TENM1: variants seen among roughly 807,000 people sequenced by gnomAD.
TENM1 encodes the protein teneurin-1.
Under a neutral mutation model 174.8 loss-of-function variants are expected in TENM1, and 35 were observed. The ratio of observed to expected loss-of-function variants is 0.20; its 90% CI spans 0.15 to 0.27. TENM1 has a LOEUF of 0.27. Ranked by LOEUF, TENM1 falls within the 10% of genes least tolerant of loss-of-function variation. TENM1 has a pLI of 1.00. For missense variants in TENM1, 1,633 were observed against 2,130.1 expected, an observed-to-expected ratio of 0.77 and a Z score of 4.59; for synonymous variants, 781 against 798.7, an observed-to-expected ratio of 0.98 and a Z score of 0.37.
the TENM1 span, among the ~76,000 whole-genome samples, chrX:125,203,313 G>A: frequency 1.7e-4 from 19 of 112,707 alleles, no homozygotes; most frequent in Non-Finnish European, 3.6e-4. Context: ...AACGCTCCAG[G>A]GTGGGAGGGA....
At chrX:125,116,327 A>G in the TENM1 span, among the ~76,000 whole-genome samples, 29 of 112,129 alleles carry the variant, frequency 2.6e-4, no homozygotes, top group Non-Finnish European at 4.7e-4. Context: ...ATAGGCATGG[A>G]CAAAGACTTC....
the TENM1 span, among the ~76,000 whole-genome samples, chrX:125,019,471 A>G: frequency 9.0e-6 from 1 of 111,728 alleles, no homozygotes; most frequent in Non-Finnish European, 1.9e-5. Context: ...ATGAAAGTTG[A>G]GACTAAAAAT....
chrX:124,484,264 G>A (rs2046907175), intron 21 of TENM1, among the ~76,000 whole-genome samples: 1 of 111,605 alleles, frequency 9.0e-6, no homozygotes, highest in Admixed American at 9.5e-5. Context: ...CCAACATGAT[G>A]TACACTAATG....
intron 14 of TENM1, among the ~76,000 whole-genome samples, chrX:124,547,912 C>T (rs1204771717): frequency 8.9e-6 from 1 of 112,260 alleles, no homozygotes; most frequent in African/African-American, 3.2e-5. Context: ...TCTCGGCTCA[C>T]TGCAAGTTCT....
At chrX:125,169,491 AG>A in the TENM1 span, among the ~76,000 whole-genome samples, 12 of 111,906 alleles carry the variant, frequency 1.1e-4, no homozygotes, top group African/African-American at 3.9e-4. Context: ...CTGCACAGTC[AG>A]GCTTTGGCCT....
the TENM1 span, among the ~76,000 whole-genome samples, chrX:125,017,332 A>G: frequency 8.9e-6 from 1 of 112,222 alleles, no homozygotes; most frequent in Non-Finnish European, 1.9e-5. Context: ...AAGGGCTAAT[A>G]TGCAAAATCT....
the TENM1 span, among the ~76,000 whole-genome samples, chrX:125,199,420 A>G: frequency 8.9e-6 from 1 of 112,413 alleles, no homozygotes; most frequent in Admixed American, 9.4e-5. Context: ...GATTTTTAAC[A>G]TGTTTTTATG....
At chrX:125,028,909 T>G in the TENM1 span, among the ~76,000 whole-genome samples, 1 of 111,886 alleles carries the variant, frequency 8.9e-6, no homozygotes, top group East Asian at 2.8e-4. Context: ...AAAGGTAACA[T>G]GCTAGATTTG....
chrX:125,039,248 T>TCTAATGAA, the TENM1 span, among the ~76,000 whole-genome samples: 1 of 111,756 alleles, frequency 8.9e-6, no homozygotes, highest in Non-Finnish European at 1.9e-5. Flanking sequence ...CAGATAAGGT[T>TCTAATGAA]TTTGTCTTCC....
the TENM1 span, among the ~76,000 whole-genome samples, chrX:125,077,089 G>A: frequency 3.6e-5 from 4 of 110,638 alleles, no homozygotes; most frequent in South Asian, 1.1e-3. Flanking sequence ...TAATGAAGAC[G>A]TTTCTCATTA....
the TENM1 span, among the ~76,000 whole-genome samples, chrX:125,122,559 T>C: frequency 8.9e-6 from 1 of 112,166 alleles, no homozygotes; most frequent in Non-Finnish European, 1.9e-5. Flanking sequence ...TGCTTAATTA[T>C]ATGCACAACA....
chrX:124,717,984 C>T (rs755118606), intron 4 of TENM1, among the ~76,000 whole-genome samples: 1 of 112,438 alleles, frequency 8.9e-6, no homozygotes, highest in Non-Finnish European at 1.9e-5. Context: ...TTATAAGGTC[C>T]GTCATGACCT....
rs1255934687 is a variant in TENM1 at position 124,481,969 on chromosome X, G to A, written c.3717-5C>T. 1 of 1,137,545 alleles carries A rather than the reference G, an allele frequency of 8.8e-7. No homozygotes were observed. The allele number at this position is 1,137,545 out of a possible 1,213,427, so 93.7% of individuals were successfully genotyped here. On this transcript the variant is annotated splice_region_variant and splice_polypyrimidine_tract_variant and intron_variant, in intron 21 of 31. Coordinates refer to ENST00000422452, the Ensembl canonical transcript of TENM1. ...TATTTGTGAGCAGGACTTGTGCTAA[G>A]GAAGAGAAAAGTAAAGTTATTCAAG...
At chrX:124,795,469 G>A (rs1039041881) in intron 3 of TENM1, among the ~76,000 whole-genome samples, 5 of 111,864 alleles carry the variant, frequency 4.5e-5, no homozygotes, top group Admixed American at 9.5e-5. Context: ...ATGTCCATGT[G>A]GCATTTTGAT....
At chrX:125,010,765 G>A in the TENM1 span, among the ~76,000 whole-genome samples, 5 of 104,150 alleles carry the variant, frequency 4.8e-5, no homozygotes, top group African/African-American at 1.4e-4. Context: ...AGGGAGCCGA[G>A]ATCGCGCCAC....
intron 11 of TENM1, among the ~76,000 whole-genome samples, chrX:124,615,385 T>C (rs940439469): frequency 4.5e-5 from 5 of 111,965 alleles, no homozygotes; most frequent in African/African-American, 1.6e-4. Flanking sequence ...TCTGGGTGCT[T>C]CATGACTGGG....
exon 25 of TENM1, chrX:124,420,482 G>A (rs751392788): frequency 4.1e-6 from 5 of 1,212,014 alleles, no homozygotes; most frequent in South Asian, 1.8e-5. Flanking sequence ...AAGCCATAGC[G>A]GCATTCCGCC....
At chrX:125,034,856 G>T in the TENM1 span, among the ~76,000 whole-genome samples, 4 of 111,674 alleles carry the variant, frequency 3.6e-5, no homozygotes, top group East Asian at 8.6e-4. Context: ...TAACCTTTAT[G>T]ACATCACTTC....
At chrX:125,144,042 A>C in the TENM1 span, among the ~76,000 whole-genome samples, 1 of 111,517 alleles carries the variant, frequency 9.0e-6, no homozygotes, top group East Asian at 2.8e-4. Flanking sequence ...AAATGTACAA[A>C]ATGTCTGAGT....
Sources: allele counts gnomAD v4.1 joint callset (sites outside exome capture counted in the v4.1 genomes callset), GRCh38; gene constraint gnomAD v4.1.1; transcripts MANE v1.5; gene names NCBI Gene and HGNC (gene_info 2026-07-23, HGNC 2026-07-21).